The following XPO6 variants were observed in gnomAD, a reference collection of about 807,000 sequenced individuals.
XPO6 encodes exportin-6.
Under a neutral mutation model 130.0 loss-of-function variants are expected in XPO6, and 3 were observed. The observed-to-expected ratio is 0.02, with a 90% CI of 0.01 to 0.06. XPO6 has a LOEUF of 0.06. XPO6 is among the 10% of genes least tolerant of loss of function. XPO6 has a pLI of 1.00. For missense variants in XPO6, 970 were observed against 1,393.0 expected (o/e 0.70, Z 4.83); for synonymous variants, 524 against 548.9 (o/e 0.95, Z 0.63).
At chr16:28,110,692 A>T (rs2086897385) in intron 17 of XPO6, among the ~76,000 whole-genome samples, 1 of 152,244 alleles carries the variant, frequency 6.6e-6, no homozygotes, top group African/African-American at 2.4e-5. Context: ...TTAATCTTCT[A>T]GACCTCAGCT....
At chr16:28,134,569 G>C (rs1443065199) in intron 10 of XPO6, among the ~76,000 whole-genome samples, 1 of 152,186 alleles carries the variant, frequency 6.6e-6, no homozygotes, top group Non-Finnish European at 1.5e-5. Flanking sequence ...CTGGCTCTAA[G>C]CAAAGGGCTC....
chr16:28,177,051 TG>T (rs1216081338), intron 3 of XPO6, among the ~76,000 whole-genome samples, 168 bp downstream of exon 3: 2 of 152,160 alleles, frequency 1.3e-5, no homozygotes, highest in Non-Finnish European at 2.9e-5. Flanking sequence ...GTGTGGAAGA[TG>T]GAAGATGCCC....
rs551685268 is a variant in XPO6 at position 28,106,287 on chromosome 16, G to A, written c.2613-73C>T. The A allele has an allele frequency of 6.2e-7, 1 of 1,607,200 alleles. No individual in the cohort carries two copies. The highest frequency in any genetic ancestry group is 2.2e-5 in the East Asian group (1 of 44,730). The stretch of plus-strand genomic sequence containing the variant: ...GGCCAGCATGAAAACCCATGCTGTG[G>A]CAAGTGCAGAACAGGAGCAAAAAGC... On this transcript the variant is annotated intron_variant, in intron 19 of 23. Coordinates refer to ENST00000304658, the MANE Select transcript of XPO6 (RefSeq NM_015171.4). The surrounding 1 kb of genome is among the most constrained non-coding windows in gnomAD (Gnocchi z 4.2).
At position 28,156,225 on chromosome 16, in the gene XPO6, T is replaced by A. The variant is rs1361497459; in HGVS notation, c.946A>T (p.Ile316Phe). The A allele has an allele frequency of 6.2e-7, 1 of 1,614,038 alleles. No individual in the cohort carries two copies. The highest frequency in any genetic ancestry group is 8.5e-7 in the Non-Finnish European group (1 of 1,180,024). ...GRLGVLAMSC[I>F]NELMSKNCVP... ...CAGTTCTTGGACATGAGTTCATTGA[T>A]GCAGGACATGGCCAGGACCCCCAGC... Residue 316 changes from isoleucine (I) to phenylalanine (F), a missense_variant, in exon 7 of 24, where the codon ATC (isoleucine) becomes TTC (phenylalanine). Physicochemically the swap from Ile to Phe is conservative, Grantham distance 21. Around this residue, in one of 4 missense-constraint regions of XPO6, gnomAD observed 936 missense variants for 1,306.8 expected, o/e 0.72. Coordinates refer to ENST00000304658, the MANE Select transcript of XPO6 (RefSeq NM_015171.4).
rs2042702710 is a variant in XPO6 at position 28,132,941 on chromosome 16, A to C, written c.1537-538T>G. ...CTTTCTTTCTCAAGCTGCTACACTC[A>C]CCAGTAAGATTAAAACGTGACTGGC... On this transcript the variant is annotated intron_variant, in intron 11 of 23. Coordinates refer to ENST00000304658, the MANE Select transcript of XPO6 (RefSeq NM_015171.4). The surrounding 1 kb of genome is among the most constrained non-coding windows in gnomAD (Gnocchi z 4.0). Among the ~76,000 whole-genome samples the C allele has an allele frequency of 6.6e-6, 1 of 152,184 alleles. No individual in the cohort carries two copies. Among genetic ancestry groups the C allele is most frequent in the African/African-American group, 2.4e-5 (1 of 41,444 alleles).
Position 28,101,460 on chromosome 16 carries a change from G to A in XPO6, c.3274C>T (p.Arg1092Trp), listed in dbSNP as rs376151934. The A allele has an allele frequency of 4.8e-5, 78 of 1,613,552 alleles. No homozygotes were observed. The highest frequency in any genetic ancestry group is 3.7e-4 in the African/African-American group (28 of 74,876). ...GCCCGGCCTCTTTCTCTCCTCACCC[G>A]ATCCATCTTGAAATTCCGCCCCAGC... ...SVLGRNFKMD[R>W]DLPSFTQNVH... Residue 1092 changes from arginine (R) to tryptophan (W), a missense_variant and splice_region_variant, in exon 23 of 24, where the codon CGG (arginine) becomes TGG (tryptophan). Physicochemically the swap from Arg to Trp is moderately radical, Grantham distance 101. Coordinates refer to ENST00000304658, the MANE Select transcript of XPO6 (RefSeq NM_015171.4). This position sits in a 1 kb window ranked among gnomAD's most constrained non-coding sequence, Gnocchi z 5.4.
chr16:28,156,145 G>A lies in XPO6; in HGVS notation c.1026C>T (p.Tyr342=). 1.9e-6 allele frequency: 3 copies of A among 1,614,072 alleles called. No homozygotes were observed. Among genetic ancestry groups the A allele is most frequent in the Non-Finnish European group, 2.5e-6 (3 of 1,179,986 alleles). The change falls in exon 7 of 24, where the codon TAC becomes TAT. Residue 342 remains tyrosine (Y), a synonymous_variant. Transcript: ENST00000304658. ...YLLRMFQQTF[Y]LLQKITKDNN... Reference sequence around the variant, plus strand: ...TATCCTTGGTGATTTTCTGCAGGAGGTAGAAAGTCTGCTGGAACATACGCA... The same window carrying A: ...TATCCTTGGTGATTTTCTGCAGGAGATAGAAAGTCTGCTGGAACATACGCA...
At position 28,175,963 on chromosome 16, in the gene XPO6, T is replaced by C; in HGVS notation, c.340A>G (p.Ile114Val). The change falls in exon 4 of 24, where the codon ATT (isoleucine) becomes GTT (valine). Residue 114 changes from isoleucine (I) to valine (V), a missense_variant. Coordinates refer to ENST00000304658, the MANE Select transcript of XPO6 (RefSeq NM_015171.4). ...YFIRNKLCKVIVDIGRQDWPM... is the reference protein window; with the variant it reads ...YFIRNKLCKVVVDIGRQDWPM... The stretch of plus-strand genomic sequence containing the variant: ...CAATCCTGACGTCCAATATCAACAA[T>C]AACTTTGCAGAGCTTGTTCCGGATA... The C allele has an allele frequency of 1.2e-6, 2 of 1,614,170 alleles. No homozygotes were observed. The highest frequency in any genetic ancestry group is 1.7e-6 in the Non-Finnish European group (2 of 1,180,028).
At chr16:28,177,109 A>G in intron 3 of XPO6, 111 bp downstream of exon 3, 1 of 589,562 alleles carries the variant, frequency 1.7e-6, no homozygotes. Flanking sequence ...ACGACATCCC[A>G]GAGCTGAGCT....
intron 2 of XPO6, 65 bp downstream of exon 2, chr16:28,180,876 C>G: frequency 1.5e-6 from 2 of 1,358,580 alleles, no homozygotes; most frequent in Middle Eastern, 2.5e-4. Flanking sequence ...CTACGAACAA[C>G]TCCTTCCTCC....
intron 9 of XPO6, among the ~76,000 whole-genome samples, chr16:28,136,736 C>T (rs1054322904): frequency 6.6e-6 from 1 of 152,216 alleles, no homozygotes; most frequent in Non-Finnish European, 1.5e-5. Flanking sequence ...GCAACAATTG[C>T]TACCACAAGG....
At chr16:28,170,042 T>C in intron 4 of XPO6, 133 bp from the exon 5 acceptor site, 1 of 1,233,602 alleles carries the variant, frequency 8.1e-7, no homozygotes, top group Non-Finnish European at 1.1e-6. Flanking sequence ...TTCAGAAACA[T>C]CACTTAGAGG....
Position 28,104,617 on chromosome 16 carries a change from G to A in XPO6, c.2875C>T (p.Leu959=). 6.2e-7 allele frequency: 1 copy of A among 1,614,226 alleles called. No individual in the cohort carries two copies. The change falls in exon 21 of 24, where the codon CTG becomes TTG. Residue 959 remains leucine (L), a synonymous_variant. Transcript: ENST00000304658. The part of the protein sequence containing the change: ...NWRYFFKSTV[L]ASVQRGIAEE... The stretch of plus-strand genomic sequence containing the variant: ...GCGATCCCCCTCTGGACACTGGCCA[G>A]CACGGTGGACTTGAAGAAGTACCTC...
intron 1 of XPO6, chr16:28,183,252 C>T (rs1053739956): frequency 1.3e-5 from 2 of 152,126 alleles, no homozygotes; most frequent in African/African-American, 4.8e-5. Flanking sequence ...CTCTCTGCCC[C>T]AACCCAAGAA....
intron 9 of XPO6, among the ~76,000 whole-genome samples, chr16:28,135,935 A>G (rs2042766271): frequency 6.6e-6 from 1 of 152,184 alleles, no homozygotes; most frequent in African/African-American, 2.4e-5. Flanking sequence ...GCTGCATTTT[A>G]AATCCCTTGT....
intron 5 of XPO6, chr16:28,167,104 C>G: frequency 3.1e-6 from 3 of 977,304 alleles, no homozygotes; most frequent in Non-Finnish European, 3.6e-6. Context: ...AGTGACTCAT[C>G]CACTGCTATG....
intron 21 of XPO6, among the ~76,000 whole-genome samples, chr16:28,103,680 C>G (rs1052345851): frequency 2.0e-5 from 3 of 152,140 alleles, no homozygotes; most frequent in Non-Finnish European, 2.9e-5. Context: ...GAGGCGCAAA[C>G]ACTTGAGTAC....
chr16:28,209,842 A>C (rs1372746258), intron 1 of XPO6, among the ~76,000 whole-genome samples: 20 of 152,124 alleles, frequency 1.3e-4, no homozygotes, highest in Admixed American at 1.3e-3. Context: ...TATATATGTT[A>C]AAATACATAG....
rs951240144 is a variant in XPO6 at position 28,152,507 on chromosome 16, G to T, written c.1224+152C>A. 3.2e-6 allele frequency: 3 copies of T among 942,936 alleles called. No individual in the cohort carries two copies. In the African/African-American group the frequency reaches 5.1e-5, roughly 16 times the overall value. The allele number at this position is 942,936 out of a possible 1,614,324, so 58.4% of individuals were successfully genotyped here. A position where few individuals can be genotyped will look rare whatever the true frequency, so the allele number is the denominator to read the frequency against. On this transcript the variant is annotated intron_variant, in intron 8 of 23. Transcript: ENST00000304658. ...AATGGTAATAGAACCTACTTCACAG[G>T]GATGTTAGGAAGATTAAACCTGTGA...
Sources: allele counts gnomAD v4.1 joint callset (sites outside exome capture counted in the v4.1 genomes callset), GRCh38; gene constraint gnomAD v4.1.1; regional missense constraint gnomAD v4.1.1; non-coding constraint Gnocchi (gnomAD v3.1); transcripts MANE v1.5; gene names NCBI Gene and HGNC (gene_info 2026-07-23, HGNC 2026-07-21).